The following EYS variants were observed in gnomAD, a reference collection of about 807,000 sequenced individuals.
The protein encoded by EYS is protein eyes shut homolog.
Under a neutral mutation model 282.1 loss-of-function variants are expected in EYS, and 250 were observed. That is an observed-to-expected ratio of 0.89 (90% CI 0.80 to 0.98). EYS has a LOEUF of 0.98. Ranked by LOEUF, EYS falls within the 50% of genes least tolerant of loss-of-function variation. The pLI is 0.00. For missense variants in EYS, 4,016 were observed against 3,709.0 expected (o/e 1.08, Z -2.15); for synonymous variants, 1,355 against 1,282.9 (o/e 1.06, Z -1.20).
chr6:64,118,259 G>A (rs1773457297), intron 31 of EYS, among the ~76,000 whole-genome samples: 2 of 152,058 alleles, frequency 1.3e-5, no homozygotes, highest in Admixed American at 1.3e-4. Context: ...AACAAAGCTG[G>A]AGGCATCACA....
At chr6:64,564,435 G>A (rs1765498577) in intron 26 of EYS, among the ~76,000 whole-genome samples, 1 of 151,068 alleles carries the variant, frequency 6.6e-6, no homozygotes. Context: ...ACACCACCAC[G>A]CCCAGCTATT....
intron 39 of EYS, among the ~76,000 whole-genome samples, chr6:63,783,369 T>C (rs1310620990): frequency 6.6e-6 from 1 of 152,170 alleles, no homozygotes; most frequent in East Asian, 1.9e-4. Context: ...CTATTACACC[T>C]GCTGACATCT....
At chr6:64,805,958 A>G (rs1764409163) in intron 22 of EYS, among the ~76,000 whole-genome samples, 1 of 151,590 alleles carries the variant, frequency 6.6e-6, no homozygotes, top group Admixed American at 6.6e-5. Flanking sequence ...TTATGAGATG[A>G]AATTGTAAAA....
At chr6:65,054,580 C>T (rs899360140) in intron 13 of EYS, among the ~76,000 whole-genome samples, 4 of 151,902 alleles carry the variant, frequency 2.6e-5, no homozygotes, top group Admixed American at 6.6e-5. Context: ...AGACATGTTT[C>T]CAGCTGAAAG....
intron 11 of EYS, among the ~76,000 whole-genome samples, chr6:65,321,840 C>T (rs181472147): frequency 8.5e-5 from 13 of 152,248 alleles, no homozygotes; most frequent in African/African-American, 3.1e-4. Context: ...GTGAAATGCA[C>T]AAATTTGGTT....
At chr6:64,838,192 T>C (rs1466725030) in intron 19 of EYS, among the ~76,000 whole-genome samples, 1 of 151,938 alleles carries the variant, frequency 6.6e-6, no homozygotes, top group African/African-American at 2.4e-5. Flanking sequence ...TTCATAAATA[T>C]AGCATAGTTT....
intron 12 of EYS, among the ~76,000 whole-genome samples, chr6:65,134,589 C>G (rs1581941189): frequency 6.6e-6 from 1 of 151,982 alleles, no homozygotes; most frequent in Non-Finnish European, 1.5e-5. Flanking sequence ...ACAACAGACA[C>G]TACAGCCTCC....
chr6:63,748,432 A>G (rs1359080217), intron 41 of EYS, among the ~76,000 whole-genome samples: 1 of 152,140 alleles, frequency 6.6e-6, no homozygotes, highest in Non-Finnish European at 1.5e-5. Context: ...TATCAAGGAT[A>G]TTGGCTTAAA....
At chr6:65,569,429 G>T (rs773840162) in intron 2 of EYS, among the ~76,000 whole-genome samples, 7 of 152,022 alleles carry the variant, frequency 4.6e-5, no homozygotes, top group Non-Finnish European at 4.4e-5. Flanking sequence ...ACAGTTTTTC[G>T]AAAACAAATC....
intron 26 of EYS, among the ~76,000 whole-genome samples, chr6:64,561,875 C>T (rs1469662948): frequency 7.0e-5 from 10 of 142,622 alleles, no homozygotes; most frequent in Admixed American, 5.7e-4. Flanking sequence ...ATCAAACTAC[C>T]AATGGCATTT....
At chr6:65,575,554 T>C (rs949616150) in intron 2 of EYS, among the ~76,000 whole-genome samples, 13 of 151,566 alleles carry the variant, frequency 8.6e-5, no homozygotes, top group African/African-American at 3.1e-4. Flanking sequence ...AAGAACAATA[T>C]AAACCCAAAG....
At chr6:65,492,945 C>A (rs1365793471) in intron 4 of EYS, among the ~76,000 whole-genome samples, 1 of 152,162 alleles carries the variant, frequency 6.6e-6, no homozygotes, top group South Asian at 2.1e-4. Context: ...TTGAGACAGT[C>A]TCCCTTCATC....
At chr6:64,820,235 T>G (rs920212918) in intron 21 of EYS, among the ~76,000 whole-genome samples, 1 of 152,054 alleles carries the variant, frequency 6.6e-6, no homozygotes, top group African/African-American at 2.4e-5. Context: ...TTTGCTCTTA[T>G]GTTAAAATAA....
At chr6:64,419,456 A>G (rs1253214042) in intron 28 of EYS, among the ~76,000 whole-genome samples, 1 of 152,216 alleles carries the variant, frequency 6.6e-6, no homozygotes, top group Non-Finnish European at 1.5e-5. Context: ...TCAAAGTCTT[A>G]GCTCATTCCA....
At chr6:64,691,539 A>G (rs187327628) in intron 22 of EYS, among the ~76,000 whole-genome samples, 1 of 152,304 alleles carries the variant, frequency 6.6e-6, no homozygotes, top group Admixed American at 6.5e-5. Flanking sequence ...TACAGCAGTT[A>G]CATGTGCAGA....
intron 35 of EYS, among the ~76,000 whole-genome samples, chr6:63,883,087 A>AATTGAT (rs1258092887): frequency 6.6e-6 from 1 of 152,208 alleles, no homozygotes; most frequent in South Asian, 2.1e-4. Context: ...TTGTTCAAAG[A>AATTGAT]ATTGATTCAG....
At chr6:64,622,191 G>T (rs1168707840) in intron 23 of EYS, among the ~76,000 whole-genome samples, 1 of 152,078 alleles carries the variant, frequency 6.6e-6, no homozygotes, top group African/African-American at 2.4e-5. Context: ...AGCTCCACTT[G>T]TCAAGTCTTA....
chr6:65,698,448 A>C (rs1367167827), intron 1 of EYS, among the ~76,000 whole-genome samples: 1 of 152,172 alleles, frequency 6.6e-6, no homozygotes, highest in African/African-American at 2.4e-5. Context: ...CAATAATATA[A>C]GACTTTTTCT....
Position 65,495,521 on chromosome 6 carries a change from G to A in EYS, c.-111C>T, listed in dbSNP as rs1562222132. 8.6e-7 allele frequency: 1 copy of A among 1,169,492 alleles called. No individual in the cohort carries two copies. The highest frequency in any genetic ancestry group is 2.5e-5 in the East Asian group (1 of 39,712). The allele number at this position is 1,169,492 out of a possible 1,614,324, so 72.4% of individuals were successfully genotyped here. Reference sequence around the variant, plus strand: ...TTGTGGTTAAGGATTCCTGGGAATTGGAATTGACCTTTTTTCTATACCCAA... The same window carrying A: ...TTGTGGTTAAGGATTCCTGGGAATTAGAATTGACCTTTTTTCTATACCCAA... On this transcript the variant is annotated 5_prime_UTR_variant, in exon 4 of 43. Coordinates refer to ENST00000503581, the MANE Select transcript of EYS (RefSeq NM_001142800.2).
Sources: allele counts gnomAD v4.1 joint callset (sites outside exome capture counted in the v4.1 genomes callset), GRCh38; gene constraint gnomAD v4.1.1; transcripts MANE v1.5; gene names NCBI Gene and HGNC (gene_info 2026-07-23, HGNC 2026-07-21).